The following VTI1A variants were observed in gnomAD, a reference collection of about 807,000 sequenced individuals.
The protein encoded by VTI1A is vesicle transport through interaction with t-SNAREs 1A, also known as vesicle transport through interaction with t-SNAREs homolog 1A.
A neutral mutation model predicts 34.9 loss-of-function variants in VTI1A; 22 were observed. That is an observed-to-expected ratio of 0.63 (90% CI 0.45 to 0.90). The LOEUF (loss-of-function observed/expected upper bound fraction) is 0.90. Ranked by LOEUF, VTI1A falls within the 40% of genes least tolerant of loss-of-function variation. The pLI is 0.00. For missense variants in VTI1A, 268 were observed against 275.6 expected, an observed-to-expected ratio of 0.97 and a Z score of 0.20; for synonymous variants, 87 against 97.3, an observed-to-expected ratio of 0.89 and a Z score of 0.62.
At chr10:112,497,795 T>C (rs1216158838) in intron 3 of VTI1A, among the ~76,000 whole-genome samples, 1 of 152,204 alleles carries the variant, frequency 6.6e-6, no homozygotes, top group East Asian at 1.9e-4. Flanking sequence ...CGTTATTGTA[T>C]TATATTTTCC....
intron 7 of VTI1A, among the ~76,000 whole-genome samples, chr10:112,770,626 T>G (rs1851782561): frequency 6.6e-6 from 1 of 151,750 alleles, no homozygotes; most frequent in Non-Finnish European, 1.5e-5. Context: ...CAGGAAGGTC[T>G]CGATCTCCTG....
chr10:112,565,434 CTTA>C (rs1490879591), intron 5 of VTI1A, among the ~76,000 whole-genome samples: 2 of 152,002 alleles, frequency 1.3e-5, no homozygotes, highest in Non-Finnish European at 2.9e-5. Context: ...TTTTAAAAGA[CTTA>C]TTTATACATT....
intron 3 of VTI1A, among the ~76,000 whole-genome samples, chr10:112,515,977 CTG>C (rs1176316939): frequency 1.3e-5 from 2 of 152,048 alleles, no homozygotes; most frequent in Non-Finnish European, 2.9e-5. Context: ...TTTTAAATTG[CTG>C]TGTTTTGTTT....
chr10:112,758,817 G>T (rs1170387746), intron 7 of VTI1A, among the ~76,000 whole-genome samples: 1 of 152,230 alleles, frequency 6.6e-6, no homozygotes, highest in African/African-American at 2.4e-5. Context: ...TGTTTTGGTA[G>T]TTGTTATTAT....
chr10:112,466,167 T>C (rs1031256262), intron 3 of VTI1A, among the ~76,000 whole-genome samples: 3 of 152,176 alleles, frequency 2.0e-5, no homozygotes, highest in Non-Finnish European at 4.4e-5. Flanking sequence ...GTCAAGAATG[T>C]TTAAGGATCT....
chr10:112,570,106 T>C (rs1444496871), intron 5 of VTI1A, among the ~76,000 whole-genome samples: 1 of 152,212 alleles, frequency 6.6e-6, no homozygotes, highest in Non-Finnish European at 1.5e-5. Flanking sequence ...CCTTGCTTTT[T>C]GTTGGTCTTT....
At chr10:112,691,166 T>G (rs1410303777) in intron 7 of VTI1A, among the ~76,000 whole-genome samples, 1 of 151,590 alleles carries the variant, frequency 6.6e-6, no homozygotes, top group Non-Finnish European at 1.5e-5. Context: ...GAGGCTGAGG[T>G]GAGAGAGTCT....
chr10:112,579,633 C>T (rs865817907), intron 5 of VTI1A, among the ~76,000 whole-genome samples: 2 of 152,116 alleles, frequency 1.3e-5, no homozygotes, highest in African/African-American at 4.8e-5. Context: ...GTTCATGTTC[C>T]ACTTAAAGTC....
intron 7 of VTI1A, among the ~76,000 whole-genome samples, chr10:112,736,105 G>GTATATATATATATA (rs1296849590): frequency 1.2e-4 from 11 of 90,296 alleles, no homozygotes; most frequent in African/African-American, 6.0e-4. Flanking sequence ...ATATATATGT[G>GTATATATATATATA]TGTGTGTATA....
intron 3 of VTI1A, among the ~76,000 whole-genome samples, chr10:112,492,933 CA>C (rs1468722797): frequency 2.6e-4 from 40 of 152,312 alleles, no homozygotes; most frequent in Middle Eastern, 3.4e-3. Context: ...GAGGCTCCCT[CA>C]CGATCATGTG....
rs1853527329 is a variant in VTI1A, at chr10:112,816,550, C to A, written c.*1167C>A. ...GCTTTGTGATTTTTTTCTTTCATTT[C>A]TTTCTGTCTGAGGTAACCAGGAATT... On this transcript the variant is annotated 3_prime_UTR_variant, in exon 8 of 8. Transcript: ENST00000393077. 4.4e-6 allele frequency: 1 copy of A among 224,808 alleles called. No individual in the cohort carries two copies. Among genetic ancestry groups the A allele is most frequent in the Non-Finnish European group, 8.9e-6 (1 of 112,794 alleles). 13.9% of individuals were successfully genotyped at this position (224,808 alleles called of 1,614,324 possible).
chr10:112,614,025 A>C, intron 5 of VTI1A, among the ~76,000 whole-genome samples: 1 of 151,972 alleles, frequency 6.6e-6, no homozygotes, highest in East Asian at 1.9e-4. Flanking sequence ...TGGTGAAAAT[A>C]TGTTCATATT....
chr10:112,737,405 A>G lies in VTI1A; in HGVS notation c.560+68407A>G, dbSNP rs139562624. 84 of 1,033,666 alleles carry G rather than the reference A, an allele frequency of 8.1e-5. No homozygotes were observed. In the African/African-American group the frequency reaches 1.4e-3, roughly 17 times the overall value. The allele number at this position is 1,033,666 out of a possible 1,614,324, so 64.0% of individuals were successfully genotyped here. A position where few individuals can be genotyped will look rare whatever the true frequency, so the allele number is the denominator to read the frequency against. On this transcript the variant is annotated intron_variant, in intron 7 of 7. Coordinates refer to ENST00000393077, the MANE Select transcript of VTI1A (RefSeq NM_145206.4). ...ATTATTCATTTTGTCCCATAAGAAG[A>G]TAATTAAAAAATGACAAAAATGAAC...
At chr10:112,852,696 A>T in the VTI1A span, among the ~76,000 whole-genome samples, 1 of 152,118 alleles carries the variant, frequency 6.6e-6, no homozygotes, top group Non-Finnish European at 1.5e-5. Flanking sequence ...TGGTAACAGC[A>T]CCCCAGTTTT....
chr10:112,513,747 A>G (rs1254379878), intron 3 of VTI1A, among the ~76,000 whole-genome samples: 1 of 151,912 alleles, frequency 6.6e-6, no homozygotes, highest in Non-Finnish European at 1.5e-5. Context: ...TTATTATGAA[A>G]AGGTGTTGAA....
At position 112,817,272 on chromosome 10, in the gene VTI1A, G is replaced by T. The variant is rs1048524428; in HGVS notation, c.*1889G>T. On this transcript the variant is annotated 3_prime_UTR_variant, in exon 8 of 8. Transcript: ENST00000393077. Reference sequence around the variant, plus strand: ...ACCAGTTACCAGCTGCACTTCGCACGGCCATCCCGTCCACAATGCAGCAGA... The same window carrying T: ...ACCAGTTACCAGCTGCACTTCGCACTGCCATCCCGTCCACAATGCAGCAGA... 1 of 232,156 alleles carries T rather than the reference G, an allele frequency of 4.3e-6. No homozygotes were observed. The highest frequency in any genetic ancestry group is 8.5e-6 in the Non-Finnish European group (1 of 117,508). The allele number at this position is 232,156 out of a possible 1,614,324, so 14.4% of individuals were successfully genotyped here.
chr10:112,844,501 C>T, the VTI1A span, among the ~76,000 whole-genome samples: 1 of 152,302 alleles, frequency 6.6e-6, no homozygotes, highest in African/African-American at 2.4e-5. Flanking sequence ...CGGGTTGAAG[C>T]GATTCTCCTG....
the VTI1A span, among the ~76,000 whole-genome samples, chr10:112,838,406 A>G: frequency 5.9e-5 from 9 of 152,362 alleles, no homozygotes; most frequent in South Asian, 1.9e-3. Context: ...AATTTGAGTT[A>G]CTGAAAAGTA....
intron 5 of VTI1A, among the ~76,000 whole-genome samples, chr10:112,576,319 C>G (rs1307842706): frequency 1.3e-5 from 2 of 152,212 alleles, no homozygotes; most frequent in Non-Finnish European, 2.9e-5. Flanking sequence ...CGCGCCCGGC[C>G]CCCTGCCTCT....
Sources: allele counts gnomAD v4.1 joint callset (sites outside exome capture counted in the v4.1 genomes callset), GRCh38; gene constraint gnomAD v4.1.1; transcripts MANE v1.5; gene names NCBI Gene and HGNC (gene_info 2026-07-23, HGNC 2026-07-21).